Variants in KIF13B observed in about 807,000 individuals in gnomAD.
KIF13B encodes kinesin family member 13B.
KIF13B carries 127 observed loss-of-function variants against 222.0 expected under a neutral mutation model. That is an observed-to-expected ratio of 0.57 (90% CI 0.50 to 0.66). The LOEUF is 0.66. Ranked by LOEUF, KIF13B falls within the 30% of genes least tolerant of loss-of-function variation. The probability of loss-of-function intolerance (pLI) is 0.00; values close to 1 mark genes in which losing one functional copy is unlikely to be tolerated. For missense variants in KIF13B, 2,173 were observed against 2,379.0 expected (o/e 0.91, Z 1.80); for synonymous variants, 976 against 919.0 (o/e 1.06, Z -1.12).
chr8:29,174,952 A>T (rs1812415984), intron 10 of KIF13B, among the ~76,000 whole-genome samples: 1 of 152,150 alleles, frequency 6.6e-6, no homozygotes, highest in Non-Finnish European at 1.5e-5. Flanking sequence ...CTATGGACTA[A>T]ATCAGTAACT....
intron 2 of KIF13B, among the ~76,000 whole-genome samples, chr8:29,233,913 A>C (rs1032291077): frequency 3.3e-5 from 5 of 152,238 alleles, no homozygotes; most frequent in Non-Finnish European, 5.9e-5. Flanking sequence ...ATTATATGTT[A>C]ATATAAACAT....
intron 12 of KIF13B, 34 bp downstream of exon 12, chr8:29,165,628 G>A: frequency 7.2e-7 from 1 of 1,386,308 alleles, no homozygotes; most frequent in East Asian, 2.3e-5. Context: ...ACTGCCATGA[G>A]GTTTCATGCG....
At chr8:29,124,489 T>G (rs901177893) in intron 26 of KIF13B, among the ~76,000 whole-genome samples, 1 of 152,184 alleles carries the variant, frequency 6.6e-6, no homozygotes, top group Non-Finnish European at 1.5e-5. Context: ...GGCTCACACT[T>G]GTAATCCCAG....
At chr8:29,078,020 C>A (rs117224359) in intron 37 of KIF13B, among the ~76,000 whole-genome samples, 4,854 of 148,704 alleles carry the variant, frequency 0.033, 116 homozygotes, top group Middle Eastern at 0.077. Context: ...CGGTGGTTCA[C>A]GCCTATAATC....
chr8:29,161,644 C>T (rs1207632646), intron 12 of KIF13B, among the ~76,000 whole-genome samples: 2 of 151,236 alleles, frequency 1.3e-5, no homozygotes, highest in African/African-American at 2.4e-5. Flanking sequence ...TGTGGTGAGC[C>T]GAGATCATGC....
intron 18 of KIF13B, among the ~76,000 whole-genome samples, chr8:29,145,274 T>G (rs1811009629): frequency 6.6e-6 from 1 of 152,212 alleles, no homozygotes; most frequent in Non-Finnish European, 1.5e-5. Context: ...AGAATCATAT[T>G]TGCCAAATAT....
At chr8:29,226,035 G>A (rs375979321) in intron 2 of KIF13B, among the ~76,000 whole-genome samples, 91 of 152,270 alleles carry the variant, frequency 6.0e-4, no homozygotes, top group Non-Finnish European at 1.1e-3. Flanking sequence ...AATTTCAGAT[G>A]ACTGGAGTTA....
At chr8:29,226,211 T>C (rs1815013688) in intron 2 of KIF13B, among the ~76,000 whole-genome samples, 1 of 151,624 alleles carries the variant, frequency 6.6e-6, no homozygotes, top group Non-Finnish European at 1.5e-5. Flanking sequence ...GTAAATTCTC[T>C]AATAAACAGA....
intron 2 of KIF13B, among the ~76,000 whole-genome samples, chr8:29,205,853 C>T (rs1056548942): frequency 7.3e-5 from 11 of 151,492 alleles, no homozygotes; most frequent in Non-Finnish European, 1.2e-4. Flanking sequence ...GAGGCTGAGG[C>T]GGGAGGATCA....
At chr8:29,131,937 C>A (rs1211677469) in intron 23 of KIF13B, among the ~76,000 whole-genome samples, 1 of 152,150 alleles carries the variant, frequency 6.6e-6, no homozygotes, top group Non-Finnish European at 1.5e-5. Context: ...TAATCTCTAG[C>A]AATTTTTAAA....
chr8:29,092,039 A>G (rs1396273609), intron 37 of KIF13B, among the ~76,000 whole-genome samples: 1 of 152,274 alleles, frequency 6.6e-6, no homozygotes, highest in African/African-American at 2.4e-5. Context: ...AACGTGAAGA[A>G]GCTGATGTCA....
intron 2 of KIF13B, among the ~76,000 whole-genome samples, chr8:29,228,472 A>AAAAAAAAAAAT: frequency 1.8e-4 from 21 of 117,078 alleles, no homozygotes; most frequent in Non-Finnish European, 2.5e-4. Flanking sequence ...ATCTTAAAAA[A>AAAAAAAAAAAT]ATATATATAT....
chr8:29,149,193 C>A (rs1811193173), intron 15 of KIF13B, among the ~76,000 whole-genome samples: 1 of 152,164 alleles, frequency 6.6e-6, no homozygotes, highest in African/African-American at 2.4e-5. Flanking sequence ...ATTTGTATAG[C>A]ACACTAGAGC....
chr8:29,134,286 C>T (rs188756627), intron 21 of KIF13B, 76 bp from the exon 22 acceptor site: 33 of 1,410,700 alleles, frequency 2.3e-5, no homozygotes, highest in Non-Finnish European at 3.0e-5. Context: ...GTTCCAGCCC[C>T]GGCTCTGTCA....
chr8:29,117,298 C>A (rs1205199688), intron 30 of KIF13B, among the ~76,000 whole-genome samples: 2 of 152,188 alleles, frequency 1.3e-5, no homozygotes, highest in Admixed American at 1.3e-4. Context: ...ATTTGTACCC[C>A]TTTCATCCCG....
At chr8:29,229,088 T>TAA (rs370080449) in intron 2 of KIF13B, among the ~76,000 whole-genome samples, 52,893 of 94,378 alleles carry the variant, frequency 0.56, 16,439 homozygotes, top group Non-Finnish European at 0.68. Context: ...ATGTCAGCTT[T>TAA]AAAAAAAAAA....
chr8:29,194,738 G>A (rs951392408), intron 3 of KIF13B, among the ~76,000 whole-genome samples: 12 of 152,078 alleles, frequency 7.9e-5, no homozygotes, highest in African/African-American at 2.9e-4. Flanking sequence ...TAACAAATTC[G>A]AATAACATAG....
chr8:29,121,732 T>C (rs1343174607), intron 29 of KIF13B, among the ~76,000 whole-genome samples: 3 of 148,184 alleles, frequency 2.0e-5, no homozygotes, highest in African/African-American at 7.4e-5. Flanking sequence ...AAAGAGCTTC[T>C]GCACAGCAAA....
intron 1 of KIF13B, chr8:29,249,954 C>G (rs1816208313): frequency 9.5e-7 from 1 of 1,057,826 alleles, no homozygotes; most frequent in East Asian, 5.9e-5. Flanking sequence ...CTCAGCCACA[C>G]TGCAACAAGT....
Sources: allele counts gnomAD v4.1 joint callset (sites outside exome capture counted in the v4.1 genomes callset), GRCh38; gene constraint gnomAD v4.1.1; transcripts MANE v1.5; gene names NCBI Gene and HGNC (gene_info 2026-07-23, HGNC 2026-07-21).